The following ADGRA1 variants were observed in gnomAD, a reference collection of about 807,000 sequenced individuals.
ADGRA1 encodes adhesion G protein-coupled receptor A1, also known as G-protein coupled receptor 123.
ADGRA1 carries 12 observed loss-of-function variants against 21.3 expected under a neutral mutation model. The ratio of observed to expected loss-of-function variants is 0.56; its 90% CI spans 0.36 to 0.91. The LOEUF is 0.91. ADGRA1 is among the 40% of genes least tolerant of loss of function. ADGRA1 has a pLI of 0.01. For synonymous variants in ADGRA1, 385 were observed against 368.8 expected (o/e 1.04, Z -0.50); for missense variants, 790 against 805.6 (o/e 0.98, Z 0.23).
intron 5 of ADGRA1, among the ~76,000 whole-genome samples, chr10:133,108,808 ATCCTC>A (rs1851936394): frequency 8.4e-6 from 1 of 119,674 alleles, no homozygotes; most frequent in African/African-American, 3.2e-5. Context: ...CTCCCCTCAC[ATCCTC>A]CATGGTCCCA....
intron 4 of ADGRA1, among the ~76,000 whole-genome samples, chr10:133,101,016 G>A (rs1175937345): frequency 1.3e-5 from 2 of 152,224 alleles, no homozygotes; most frequent in East Asian, 1.9e-4. Flanking sequence ...CGTGCTCTGC[G>A]AGGCGAACAG....
chr10:133,107,749 G>A (rs1441882869), intron 5 of ADGRA1, among the ~76,000 whole-genome samples: 1 of 151,804 alleles, frequency 6.6e-6, no homozygotes, highest in East Asian at 1.9e-4. Flanking sequence ...TTCTTCTCTG[G>A]CCCATTGGTT....
intron 5 of ADGRA1, among the ~76,000 whole-genome samples, chr10:133,123,129 G>A (rs114119641): frequency 0.014 from 2,094 of 152,272 alleles, 58 homozygotes; most frequent in African/African-American, 0.047. Flanking sequence ...CCACCCATGC[G>A]GGGCTCAGCT....
At position 133,087,956 on chromosome 10, in the gene ADGRA1, C is replaced by A; in HGVS notation, c.-385C>A. ...CGGCGGCGCTGCTGGCCGGGCTGGG[C>A]CGCTCGTGCGCGGGGCTGTGACTCA... On this transcript the variant is annotated 5_prime_UTR_variant, in exon 1 of 7. Coordinates refer to ENST00000392607, the MANE Select transcript of ADGRA1 (RefSeq NM_001083909.3). 2.0e-6 allele frequency: 2 copies of A among 984,588 alleles called. No homozygotes were observed. Among genetic ancestry groups the A allele is most frequent in the South Asian group, 4.7e-5 (1 of 21,260 alleles). 61.0% of individuals were successfully genotyped at this position (984,588 alleles called of 1,614,324 possible). A position where few individuals can be genotyped will look rare whatever the true frequency, so the allele number is the denominator to read the frequency against.
At chr10:133,116,872 G>A (rs1852169251) in intron 5 of ADGRA1, among the ~76,000 whole-genome samples, 2 of 152,148 alleles carry the variant, frequency 1.3e-5, no homozygotes, top group South Asian at 2.1e-4. Context: ...CCAAGCGAAT[G>A]AGGAACGCCA....
chr10:133,127,188 T>C (rs1852391209), intron 5 of ADGRA1, 45 bp from the exon 6 acceptor site: 2 of 1,305,330 alleles, frequency 1.5e-6, no homozygotes, highest in Admixed American at 2.6e-5. Flanking sequence ...CCCCGGAGGA[T>C]GCAGGCGGCG....
chr10:133,117,554 C>T (rs1473191642), intron 5 of ADGRA1, among the ~76,000 whole-genome samples: 5 of 152,234 alleles, frequency 3.3e-5, no homozygotes. Flanking sequence ...GCCCGGGCAC[C>T]TGCTCAGGGC....
At chr10:133,094,016 T>G (rs996163564) in intron 2 of ADGRA1, among the ~76,000 whole-genome samples, 1 of 152,256 alleles carries the variant, frequency 6.6e-6, no homozygotes, top group Non-Finnish European at 1.5e-5. Flanking sequence ...TTATAAAACA[T>G]CTTGTTGACA....
chr10:133,102,203 G>C (rs1310858043), intron 4 of ADGRA1: 1 of 456,382 alleles, frequency 2.2e-6, no homozygotes, highest in Non-Finnish European at 4.4e-6. Flanking sequence ...GAGCATCCTG[G>C]TGAATGAGGA....
intron 2 of ADGRA1, chr10:133,093,393 A>G: frequency 9.0e-7 from 1 of 1,115,508 alleles, no homozygotes; most frequent in South Asian, 1.6e-5. Context: ...CTCCAATTAA[A>G]ATGAGGGAAA....
At chr10:133,112,194 T>C (rs1852044496) in intron 5 of ADGRA1, among the ~76,000 whole-genome samples, 1 of 152,238 alleles carries the variant, frequency 6.6e-6, no homozygotes, top group Non-Finnish European at 1.5e-5. Flanking sequence ...CTTTTGTGAT[T>C]TCATAGGTGC....
Position 133,127,238 on chromosome 10 carries a change from A to G in ADGRA1, c.407A>G (p.Tyr136Cys). Reference protein sequence around the residue: ...PYPRQPLLRFYLVSGGVPFII... With the variant: ...PYPRQPLLRFCLVSGGVPFII... ...AACGCCTTCCTCCCCGGCAGGTTTT[A>G]CCTCGTCAGCGGAGGGGTCCCCTTT... Residue 136 changes from tyrosine to cysteine, a missense_variant, in exon 6 of 7, where the codon TAC (tyrosine) becomes TGC (cysteine). By Grantham distance (194) the Tyr-to-Cys change is radical (BLOSUM62 -2). Around this residue, in one of 3 missense-constraint regions of ADGRA1, gnomAD observed 382 missense variants for 415.6 expected, o/e 0.92. Coordinates refer to ENST00000392607, the MANE Select transcript of ADGRA1 (RefSeq NM_001083909.3). 6.3e-7 allele frequency: 1 copy of G among 1,580,004 alleles called. No individual in the cohort carries two copies. The highest frequency in any genetic ancestry group is 8.6e-7 in the Non-Finnish European group (1 of 1,166,378).
chr10:133,094,288 T>G (rs1003949797), intron 2 of ADGRA1, among the ~76,000 whole-genome samples: 1 of 152,214 alleles, frequency 6.6e-6, no homozygotes, highest in Non-Finnish European at 1.5e-5. Context: ...GGGCTTAACA[T>G]GAAGGGGTTT....
intron 3 of ADGRA1, 55 bp from the exon 4 acceptor site, chr10:133,098,585 C>T (rs1414680934): frequency 8.3e-6 from 13 of 1,563,734 alleles, no homozygotes; most frequent in East Asian, 2.3e-5. Flanking sequence ...CTCCCTTCCA[C>T]GCCTCCCCCT....
rs11101936 is a variant in ADGRA1 at position 133,108,315 on chromosome 10, G to A, written c.401+5473G>A. Among the ~76,000 whole-genome samples the A allele has an allele frequency of 9.2e-3, 1,405 of 152,354 alleles. 14 individuals carry two copies. The highest frequency in any genetic ancestry group is 0.01 in the Non-Finnish European group (710 of 68,032). On this transcript the variant is annotated intron_variant, in intron 5 of 6. Coordinates refer to ENST00000392607, the MANE Select transcript of ADGRA1 (RefSeq NM_001083909.3). ...TGGCGTGAGCCTTTGGCCAACAGAA[G>A]TGTCACCCTCAGCCTTGTAGGGGAG...
intron 2 of ADGRA1, chr10:133,093,235 C>T (rs772754575): frequency 6.3e-7 from 1 of 1,589,528 alleles, no homozygotes; most frequent in Non-Finnish European, 8.5e-7. Flanking sequence ...AGGTCACTTT[C>T]CCACCTCTCA....
intron 5 of ADGRA1, among the ~76,000 whole-genome samples, chr10:133,112,698 G>A (rs1240407464): frequency 3.8e-3 from 558 of 146,088 alleles, no homozygotes; most frequent in African/African-American, 0.014. Flanking sequence ...TACGGGCCAC[G>A]TCAGTTATTT....
At chr10:133,092,484 C>T (rs1429987802) in intron 2 of ADGRA1, among the ~76,000 whole-genome samples, 6 of 152,132 alleles carry the variant, frequency 3.9e-5, no homozygotes, top group African/African-American at 9.7e-5. Flanking sequence ...AACGTAATGC[C>T]GACTATGGGT....
intron 5 of ADGRA1, among the ~76,000 whole-genome samples, chr10:133,103,046 C>T (rs1591173021): frequency 9.5e-6 from 1 of 105,798 alleles, no homozygotes; most frequent in African/African-American, 3.7e-5. Flanking sequence ...GGAGGGGCGC[C>T]GGAGGGGAGG....
Sources: gnomAD v4.1 joint callset for allele counts (sites outside exome capture counted in the v4.1 genomes callset) on GRCh38, gnomAD v4.1.1 for gene constraint, gnomAD v4.1.1 regional missense constraint, MANE v1.5 for transcripts, NCBI Gene and HGNC (gene_info 2026-07-23, HGNC 2026-07-21) for gene names.